Variants in FAM135A observed in about 807,000 individuals in gnomAD.
The protein encoded by FAM135A is protein FAM135A.
In FAM135A, 79 loss-of-function variants were observed where a neutral mutation model predicts 146.8. The observed-to-expected ratio is 0.54, with a 90% CI of 0.45 to 0.65. The LOEUF (loss-of-function observed/expected upper bound fraction) is 0.65, where lower values mean the gene tolerates loss of function less well. Among genes scored for constraint, FAM135A ranks in the 30% least tolerant of loss-of-function variants. FAM135A has a pLI of 0.00. For missense variants in FAM135A, 1,623 were observed against 1,758.2 expected (o/e 0.92, Z 1.38); for synonymous variants, 562 against 603.6 (o/e 0.93, Z 1.01).
At chr6:70,441,975 G>A (rs1774604349) in intron 4 of FAM135A, among the ~76,000 whole-genome samples, 1 of 152,148 alleles carries the variant, frequency 6.6e-6, no homozygotes, top group Non-Finnish European at 1.5e-5. Context: ...GAGTCACCAT[G>A]CTCCACCACA....
At chr6:70,447,584 G>A (rs1234818245) in intron 4 of FAM135A, among the ~76,000 whole-genome samples, 7 of 152,164 alleles carry the variant, frequency 4.6e-5, no homozygotes, top group Non-Finnish European at 7.4e-5. Context: ...CGGCTGTGGC[G>A]GGGGACAGAC....
At chr6:70,423,775 T>A (rs961156034) in intron 2 of FAM135A, among the ~76,000 whole-genome samples, 6 of 152,206 alleles carry the variant, frequency 3.9e-5, no homozygotes, top group African/African-American at 1.4e-4. Context: ...GCCTTCATCC[T>A]ACCTGTTGAT....
At chr6:70,511,434 T>G (rs898380277) in intron 12 of FAM135A, among the ~76,000 whole-genome samples, 34 of 151,896 alleles carry the variant, frequency 2.2e-4, no homozygotes, top group African/African-American at 7.7e-4. Context: ...CTAATACAGT[T>G]TTCTTGGAAT....
At chr6:70,452,646 C>G in intron 5 of FAM135A, 75 bp downstream of exon 5, 1 of 1,054,282 alleles carries the variant, frequency 9.5e-7, no homozygotes, top group South Asian at 1.7e-5. Flanking sequence ...TTTTTCATTA[C>G]AGATATAAGA....
intron 7 of FAM135A, among the ~76,000 whole-genome samples, chr6:70,476,337 T>G (rs1233466666): frequency 6.6e-6 from 1 of 152,168 alleles, no homozygotes; most frequent in Non-Finnish European, 1.5e-5. Context: ...ATCTCAAATG[T>G]AGTTTTAGCA....
At chr6:70,547,042 C>A (rs1798982321) in intron 20 of FAM135A, among the ~76,000 whole-genome samples, 1 of 152,142 alleles carries the variant, frequency 6.6e-6, no homozygotes. Flanking sequence ...AAAAAAGAGT[C>A]TATTCATTGT....
At chr6:70,420,658 A>G (rs1768613568) in intron 2 of FAM135A, among the ~76,000 whole-genome samples, 1 of 152,226 alleles carries the variant, frequency 6.6e-6, no homozygotes, top group Non-Finnish European at 1.5e-5. Context: ...CAATAGAAGT[A>G]TGTGAGATGT....
chr6:70,482,377 A>G (rs546947439), intron 10 of FAM135A, among the ~76,000 whole-genome samples: 7 of 145,720 alleles, frequency 4.8e-5, no homozygotes, highest in Non-Finnish European at 1.1e-4. Flanking sequence ...CTAAATGTGA[A>G]ATGAGTCTTT....
At chr6:70,491,944 C>T (rs1786072104) in intron 11 of FAM135A, among the ~76,000 whole-genome samples, 1 of 151,754 alleles carries the variant, frequency 6.6e-6, no homozygotes, top group East Asian at 1.9e-4. Flanking sequence ...TGTAGATAAT[C>T]ACTAAAAGAT....
chr6:70,477,924 A>G (rs1782934356), intron 8 of FAM135A, among the ~76,000 whole-genome samples: 1 of 152,184 alleles, frequency 6.6e-6, no homozygotes, highest in South Asian at 2.1e-4. Context: ...ATAAGTTAAC[A>G]AAGAAAAAAT....
intron 10 of FAM135A, among the ~76,000 whole-genome samples, chr6:70,483,231 ATT>A (rs776252337): frequency 6.6e-6 from 1 of 152,214 alleles, no homozygotes; most frequent in Non-Finnish European, 1.5e-5. Flanking sequence ...TAATTAATTA[ATT>A]AAGTCCACTA....
intron 4 of FAM135A, among the ~76,000 whole-genome samples, chr6:70,439,972 T>G (rs959627274): frequency 6.6e-6 from 1 of 152,230 alleles, no homozygotes; most frequent in African/African-American, 2.4e-5. Context: ...ATTATTGTAC[T>G]TAAATAAATG....
At chr6:70,523,177 A>G (rs1358454493) in intron 13 of FAM135A, among the ~76,000 whole-genome samples, 1 of 152,172 alleles carries the variant, frequency 6.6e-6, no homozygotes, top group Non-Finnish European at 1.5e-5. Context: ...AAGACAGGAC[A>G]TGGTTTTCTT....
chr6:70,540,958 C>A (rs948034748), intron 20 of FAM135A, among the ~76,000 whole-genome samples: 9 of 152,206 alleles, frequency 5.9e-5, no homozygotes, highest in African/African-American at 1.2e-4. Context: ...CTTCATTTCT[C>A]ACAGTTAGCT....
intron 12 of FAM135A, among the ~76,000 whole-genome samples, chr6:70,512,641 A>C (rs1286625838): frequency 2.0e-5 from 3 of 151,690 alleles, no homozygotes; most frequent in Non-Finnish European, 4.4e-5. Context: ...TTAGTTTTGT[A>C]AAATGTTAAA....
At chr6:70,425,126 T>TA (rs1769766531) in intron 2 of FAM135A, among the ~76,000 whole-genome samples, 2 of 149,330 alleles carry the variant, frequency 1.3e-5, no homozygotes, top group Non-Finnish European at 3.0e-5. Context: ...AAATACATAT[T>TA]ACACACACAC....
chr6:70,472,181 G>T (rs1199818951), intron 5 of FAM135A, among the ~76,000 whole-genome samples: 1 of 152,140 alleles, frequency 6.6e-6, no homozygotes, highest in Non-Finnish European at 1.5e-5. Flanking sequence ...GAGAGATGCA[G>T]CATCTTCAGG....
Position 70,559,769 on chromosome 6 carries a change from A to G in FAM135A, c.4396A>G (p.Lys1466Glu). 1 of 1,614,164 alleles carries G rather than the reference A, an allele frequency of 6.2e-7. No individual in the cohort carries two copies. Residue 1466 changes from lysine to glutamate, a missense_variant, in exon 22 of 22, where the codon AAG becomes GAG. Transcript: ENST00000418814. ...CTTGCTTCGACCCGTTCTGCAAAGC[A>G]AGGACTGTAATTTGGTTCGCTATAA... ...HNLLRPVLQS[K>E]DCNLVRYNVI...
chr6:70,546,936 A>T (rs1322607555), intron 20 of FAM135A, among the ~76,000 whole-genome samples: 1 of 152,206 alleles, frequency 6.6e-6, no homozygotes, highest in Non-Finnish European at 1.5e-5. Flanking sequence ...TAGACATTAG[A>T]TGACAGCAGT....
Sources: gnomAD v4.1 joint callset for allele counts (sites outside exome capture counted in the v4.1 genomes callset) on GRCh38, gnomAD v4.1.1 for gene constraint, MANE v1.5 for transcripts, NCBI Gene and HGNC (gene_info 2026-07-23, HGNC 2026-07-21) for gene names.